CASP1: variants seen among roughly 807,000 people sequenced by gnomAD.
CASP1 encodes caspase 1.
A neutral mutation model predicts 41.2 loss-of-function variants in CASP1; 31 were observed. The ratio of observed to expected loss-of-function variants is 0.75; its 90% CI spans 0.57 to 1.02. The LOEUF is 1.02. CASP1 is among the 50% of genes least tolerant of loss of function. The probability of loss-of-function intolerance (pLI) is 0.00; values close to 1 mark genes in which losing one functional copy is unlikely to be tolerated. For missense variants in CASP1, 490 were observed against 495.7 expected (o/e 0.99, Z 0.11); for synonymous variants, 163 against 166.5 (o/e 0.98, Z 0.16).
chr11:105,026,389 T>C (rs1274041607), intron 8 of CASP1, 33 bp from the exon 9 acceptor site: 1 of 1,398,498 alleles, frequency 7.2e-7, no homozygotes, highest in Non-Finnish European at 1.0e-6. Flanking sequence ...TAGCCCTTTT[T>C]TTTGCTGAGT....
chr11:105,030,272 A>T, intron 5 of CASP1, 58 bp downstream of exon 5: 1 of 1,396,550 alleles, frequency 7.2e-7, no homozygotes, highest in Non-Finnish European at 9.9e-7. Flanking sequence ...AAGCTTTCTA[A>T]TATTATTCAG....
upstream of CASP1, among the ~76,000 whole-genome samples, chr11:105,036,581 C>T (rs1222981010): frequency 1.3e-5 from 2 of 152,114 alleles, no homozygotes; most frequent in African/African-American, 4.8e-5. Flanking sequence ...AAGGGAATTC[C>T]TCTGCTCATA....
At chr11:105,031,383 A>G (rs1863689564) in intron 3 of CASP1, 103 bp from the exon 4 acceptor site, 1 of 641,482 alleles carries the variant, frequency 1.6e-6, no homozygotes, top group Admixed American at 2.5e-5. Context: ...GAGGAAATGC[A>G]CTCTGAGGAG....
At chr11:105,027,298 A>G (rs1240103649) in intron 7 of CASP1, 12 of 426,468 alleles carry the variant, frequency 2.8e-5, no homozygotes, top group Non-Finnish European at 4.6e-5. Flanking sequence ...CTCAGTCTAC[A>G]TGGGGTAATT....
At chr11:105,029,587 GA>G (rs1863542217) in intron 6 of CASP1, 77 bp downstream of exon 6, 1 of 1,112,788 alleles carries the variant, frequency 9.0e-7, no homozygotes, top group East Asian at 2.4e-5. Context: ...CAAACCAAAA[GA>G]AACCAAAAAT....
intron 3 of CASP1, among the ~76,000 whole-genome samples, chr11:105,031,565 A>G (rs958622388): frequency 1.3e-5 from 2 of 152,220 alleles, no homozygotes; most frequent in Non-Finnish European, 2.9e-5. Flanking sequence ...TTTAAAGTCT[A>G]TGCCTGATAA....
At chr11:105,033,598 G>A (rs974999433) in intron 2 of CASP1, among the ~76,000 whole-genome samples, 1 of 152,122 alleles carries the variant, frequency 6.6e-6, no homozygotes, top group Non-Finnish European at 1.5e-5. Context: ...GGATTTCCAG[G>A]CCTCACAGCA....
chr11:105,025,739 C>A lies in CASP1; in HGVS notation c.*519G>T. ...ACCACATGCTATGTTTAAATATACC[C>A]TGCTGAGGTGAAGGAGAGAAACATC... On this transcript the variant is annotated 3_prime_UTR_variant, in exon 9 of 9. Transcript: ENST00000533400. 1 of 304,718 alleles carries A rather than the reference C, an allele frequency of 3.3e-6. No individual in the cohort carries two copies. Among genetic ancestry groups the A allele is most frequent in the Non-Finnish European group, 6.4e-6 (1 of 157,318 alleles). 18.9% of individuals were successfully genotyped at this position (304,718 alleles called of 1,614,324 possible).
Position 105,033,617 on chromosome 11 carries a change from A to G in CASP1, c.275-491T>C, listed in dbSNP as rs143315227. Among the ~76,000 whole-genome samples, 489 of 152,266 alleles carry G rather than the reference A, an allele frequency of 3.2e-3. 3 individuals are homozygous for G. Among genetic ancestry groups the G allele is most frequent in the Non-Finnish European group, 5.2e-3 (354 of 68,014 alleles). On this transcript the variant is annotated intron_variant, in intron 2 of 8. Coordinates refer to ENST00000533400, the MANE Select transcript of CASP1 (RefSeq NM_001257118.3). ...TTCCAGGCCTCACAGCATGACCCAC[A>G]GCCTGGTAACAGGCAACCAGGTGAT...
chr11:105,029,070 T>C, intron 7 of CASP1, 54 bp downstream of exon 7: 4 of 1,554,176 alleles, frequency 2.6e-6, no homozygotes, highest in Non-Finnish European at 3.5e-6. Context: ...TGGGTTATTG[T>C]CACTTTTTCT....
chr11:105,034,833 C>A, intron 1 of CASP1: 2 of 602,128 alleles, frequency 3.3e-6, no homozygotes. Context: ...AATTCTGTAC[C>A]CTCTGTCAGA....
chr11:105,028,698 G>A (rs2134820406), intron 7 of CASP1, among the ~76,000 whole-genome samples: 1 of 152,100 alleles, frequency 6.6e-6, no homozygotes, highest in South Asian at 2.1e-4. Flanking sequence ...ATGCTTCTAG[G>A]TAAAACCCAC....
At chr11:105,035,740 C>A (rs922532127), upstream of CASP1, among the ~76,000 whole-genome samples, 2 of 150,650 alleles carry the variant, frequency 1.3e-5, no homozygotes, top group Non-Finnish European at 3.0e-5. Context: ...CTCAGCCTCC[C>A]GAGTAGCTGC....
At chr11:105,030,014 G>T in intron 5 of CASP1, 115 bp from the exon 6 acceptor site, 1 of 844,580 alleles carries the variant, frequency 1.2e-6, no homozygotes, top group Non-Finnish European at 1.9e-6. Context: ...ACAAACAACA[G>T]GGTGCCAAAA....
At chr11:105,035,476 C>A (rs1049384046), upstream of CASP1, among the ~76,000 whole-genome samples, 2 of 152,112 alleles carry the variant, frequency 1.3e-5, no homozygotes, top group Non-Finnish European at 1.5e-5. Flanking sequence ...TTCCCCTGAC[C>A]CCACCTCATA....
chr11:105,034,404 C>T lies in CASP1; in HGVS notation c.78G>A (p.Leu26=). 1 of 1,614,132 alleles carries T rather than the reference C, an allele frequency of 6.2e-7. No homozygotes were observed. The highest frequency in any genetic ancestry group is 8.5e-7 in the Non-Finnish European group (1 of 1,179,996). ...SMGEGTINGL[L]DELLQTRVLN... Reference sequence around the variant, plus strand: ...GCACCCTTGTCTGTAATAATTCATCCAGTAAGCCATTTATTGTACCTTCAC... The same window carrying T: ...GCACCCTTGTCTGTAATAATTCATCTAGTAAGCCATTTATTGTACCTTCAC... The change falls in exon 2 of 9, where the codon CTG becomes CTA. Residue 26 remains leucine (L), a synonymous_variant. Coordinates refer to ENST00000533400, the MANE Select transcript of CASP1 (RefSeq NM_001257118.3).
At chr11:105,035,619 T>TTTTTTTTTTTG (rs1555005479), upstream of CASP1, among the ~76,000 whole-genome samples, 9 of 43,710 alleles carry the variant, frequency 2.1e-4, no homozygotes, top group Non-Finnish European at 2.9e-4. Context: ...TTTCTTTCTG[T>TTTTTTTTTTTG]TTTTTTTTTT....
chr11:105,029,275 G>A lies in CASP1; in HGVS notation c.863-8C>T, dbSNP rs770843779. 42 of 1,607,712 alleles carry A rather than the reference G, an allele frequency of 2.6e-5. No homozygotes were observed. Among genetic ancestry groups the A allele is most frequent in the Non-Finnish European group, 3.1e-5 (37 of 1,177,880 alleles). On this transcript the variant is annotated splice_polypyrimidine_tract_variant and splice_region_variant and intron_variant, in intron 6 of 8. Transcript: ENST00000533400. ...ACACCACACCAGGGCTGTCTGGAAAGACACAGTTTGATTTGTTACTACTAC... is the reference window on the plus strand; with the variant it reads ...ACACCACACCAGGGCTGTCTGGAAAAACACAGTTTGATTTGTTACTACTAC...
At chr11:105,035,620 T>TTTTTTTTTTTG (rs1389212118), upstream of CASP1, among the ~76,000 whole-genome samples, 1 of 120,946 alleles carries the variant, frequency 8.3e-6, no homozygotes. Flanking sequence ...TTCTTTCTGT[T>TTTTTTTTTTTG]TTTTTTTTTT....
Sources: gnomAD v4.1 joint callset for allele counts (sites outside exome capture counted in the v4.1 genomes callset) on GRCh38, gnomAD v4.1.1 for gene constraint, MANE v1.5 for transcripts, NCBI Gene and HGNC (gene_info 2026-07-23, HGNC 2026-07-21) for gene names.